RNF144B: variants seen among roughly 807,000 people sequenced by gnomAD.
The protein encoded by RNF144B is E3 ubiquitin-protein ligase RNF144B.
A neutral mutation model predicts 40.2 loss-of-function variants in RNF144B; 25 were observed. The observed-to-expected ratio is 0.62, with a 90% CI of 0.45 to 0.87. The LOEUF (loss-of-function observed/expected upper bound fraction) is 0.87. Among genes scored for constraint, RNF144B ranks in the 40% least tolerant of loss-of-function variants. The pLI is 0.00. For missense variants in RNF144B, 365 were observed against 373.7 expected, an observed-to-expected ratio of 0.98 and a Z score of 0.19; for synonymous variants, 145 against 136.3, an observed-to-expected ratio of 1.06 and a Z score of -0.44.
At position 18,394,297 on chromosome 6, in the gene RNF144B, T is replaced by C. The variant is rs115900002; in HGVS notation, c.-36-5202T>C. Among the ~76,000 whole-genome samples, 451 of 152,272 alleles carry C rather than the reference T, an allele frequency of 3.0e-3. 3 individuals carry two copies. The highest frequency in any genetic ancestry group is 0.01 in the African/African-American group (430 of 41,548). The stretch of plus-strand genomic sequence containing the variant: ...GATAATCAAACAGACATAAACTACA[T>C]TGGTTAAAAATACTTTGAATAGCTG... On this transcript the variant is annotated intron_variant, in intron 1 of 7. Coordinates refer to ENST00000259939, the MANE Select transcript of RNF144B (RefSeq NM_182757.4).
chr6:18,427,321 T>C (rs12199606), intron 2 of RNF144B, among the ~76,000 whole-genome samples: 47,268 of 151,962 alleles, frequency 0.31, 8,535 homozygotes, highest in East Asian at 0.51. Flanking sequence ...TCCTGATCTA[T>C]GGTGGCTGAA....
In RNF144B at chr6:18,468,444, G is replaced by A. The variant is rs1180654714; in HGVS notation, c.*3377G>A. ...AATTCTGTGTGAATTTTCTTGTAGCGTGCTTCATGAAAATATCTACTTATC... is the reference window on the plus strand; with the variant it reads ...AATTCTGTGTGAATTTTCTTGTAGCATGCTTCATGAAAATATCTACTTATC... On this transcript the variant is annotated 3_prime_UTR_variant, in exon 8 of 8. Transcript: ENST00000259939. 5 of 152,250 alleles carry A rather than the reference G, an allele frequency of 3.3e-5. No homozygotes were observed. Among genetic ancestry groups the A allele is most frequent in the Admixed American group, 1.3e-4 (2 of 15,288 alleles). 9.4% of individuals were successfully genotyped at this position (152,250 alleles called of 1,614,324 possible).
At chr6:18,408,109 T>A in intron 2 of RNF144B, among the ~76,000 whole-genome samples, 1 of 151,768 alleles carries the variant, frequency 6.6e-6, no homozygotes, top group East Asian at 1.9e-4. Flanking sequence ...CTTAGCCTCC[T>A]GAGTAGCTGG....
chr6:18,449,580 A>G (rs1288937889), intron 4 of RNF144B, among the ~76,000 whole-genome samples: 2 of 152,048 alleles, frequency 1.3e-5, no homozygotes, highest in Non-Finnish European at 2.9e-5. Flanking sequence ...ATTCATTTGT[A>G]TTGCATGTAT....
intron 2 of RNF144B, among the ~76,000 whole-genome samples, chr6:18,423,767 C>A (rs57121361): frequency 0.25 from 37,323 of 151,840 alleles, 4,727 homozygotes; most frequent in African/African-American, 0.32. Flanking sequence ...ACGAACAATC[C>A]TTATTATTTT....
chr6:18,444,768 C>T lies in RNF144B; in HGVS notation c.331+5024C>T, dbSNP rs989115551. ...TAAGTATGTGCTTATTTATGTATTG[C>T]GTGTCTATCCTATGCCAGGTGCCAT... On this transcript the variant is annotated intron_variant, in intron 4 of 7. Coordinates refer to ENST00000259939, the MANE Select transcript of RNF144B (RefSeq NM_182757.4). This position sits in a 1 kb window ranked among gnomAD's most constrained non-coding sequence, Gnocchi z 4.3. Among the ~76,000 whole-genome samples the T allele has an allele frequency of 1.3e-5, 2 of 152,142 alleles. No individual in the cohort carries two copies. Among genetic ancestry groups the T allele is most frequent in the East Asian group, 1.9e-4 (1 of 5,198 alleles).
At chr6:18,436,181 G>A (rs527970858) in intron 3 of RNF144B, among the ~76,000 whole-genome samples, 1 of 152,204 alleles carries the variant, frequency 6.6e-6, no homozygotes, top group South Asian at 2.1e-4. Flanking sequence ...CTAATCATGA[G>A]AAAGCATCAG....
At position 18,412,513 on chromosome 6, in the gene RNF144B, A is replaced by C. The variant is rs1439565791; in HGVS notation, c.165+12814A>C. ...ATATTACACATAGAAGACATGAATGAATGAAAAAATGGTGGTGTTCAGACT... is the reference window on the plus strand; with the variant it reads ...ATATTACACATAGAAGACATGAATGCATGAAAAAATGGTGGTGTTCAGACT... On this transcript the variant is annotated intron_variant, in intron 2 of 7. Coordinates refer to ENST00000259939, the MANE Select transcript of RNF144B (RefSeq NM_182757.4). The surrounding 1 kb of genome is among the most constrained non-coding windows in gnomAD (Gnocchi z 4.2). 6.6e-6 allele frequency among the ~76,000 whole-genome samples: 1 copy of C among 152,222 alleles called. No individual in the cohort carries two copies. Among genetic ancestry groups the C allele is most frequent in the African/African-American group, 2.4e-5 (1 of 41,452 alleles).
chr6:18,398,016 G>A lies in RNF144B; in HGVS notation c.-36-1483G>A, dbSNP rs1011021498. ...TACCCTGACTCGGGAGGTGGAGTCG[G>A]GAGGGTCATGTCAGTCCAGGAGTTC... is the stretch of plus-strand genomic sequence containing the variant. On this transcript the variant is annotated intron_variant, in intron 1 of 7. Coordinates refer to ENST00000259939, the MANE Select transcript of RNF144B (RefSeq NM_182757.4). This position sits in a 1 kb window ranked among gnomAD's most constrained non-coding sequence, Gnocchi z 5.0. 6.6e-6 allele frequency among the ~76,000 whole-genome samples: 1 copy of A among 152,040 alleles called. No homozygotes were observed. Among genetic ancestry groups the A allele is most frequent in the Admixed American group, 6.6e-5 (1 of 15,262 alleles).
rs1229949522 is a variant in RNF144B, at chr6:18,448,607, A to T, written c.332-8548A>T. Among the ~76,000 whole-genome samples, 2 of 151,972 alleles carry T rather than the reference A, an allele frequency of 1.3e-5. No homozygotes were observed. Among genetic ancestry groups the T allele is most frequent in the Non-Finnish European group, 2.9e-5 (2 of 68,012 alleles). ...ATCCAGCAGATATTTATAGAGCACC[A>T]ACTTTGTGTAAGTCACTGTTTTTCA... On this transcript the variant is annotated intron_variant, in intron 4 of 7. Coordinates refer to ENST00000259939, the MANE Select transcript of RNF144B (RefSeq NM_182757.4). The surrounding 1 kb of genome is among the most constrained non-coding windows in gnomAD (Gnocchi z 4.0).
In RNF144B at chr6:18,405,311, T is replaced by C. The variant is rs1402724617; in HGVS notation, c.165+5612T>C. On this transcript the variant is annotated intron_variant, in intron 2 of 7. Transcript: ENST00000259939. The surrounding 1 kb of genome is among the most constrained non-coding windows in gnomAD (Gnocchi z 4.5). ...GCCTCAGCCTCCGGAGTAGCTGGGATTACAGGCATGTGCCACCAGGCCTGA... is the reference window on the plus strand; with the variant it reads ...GCCTCAGCCTCCGGAGTAGCTGGGACTACAGGCATGTGCCACCAGGCCTGA... Among the ~76,000 whole-genome samples, 1 of 151,992 alleles carries C rather than the reference T, an allele frequency of 6.6e-6. No homozygotes were observed. Among genetic ancestry groups the C allele is most frequent in the Non-Finnish European group, 1.5e-5 (1 of 67,990 alleles).
intron 2 of RNF144B, among the ~76,000 whole-genome samples, chr6:18,407,022 A>G (rs1354866235): frequency 6.6e-6 from 1 of 152,102 alleles, no homozygotes; most frequent in African/African-American, 2.4e-5. Context: ...TGGGAACAGC[A>G]TGGGGGATAC....
chr6:18,395,896 A>G lies in RNF144B; in HGVS notation c.-36-3603A>G, dbSNP rs977483849. ...GCCATTGCTTTAGGGAATTGGTGTT[A>G]TTGTACACAGAAAAATAAATCACTT... On this transcript the variant is annotated intron_variant, in intron 1 of 7. Transcript: ENST00000259939. The surrounding 1 kb of genome is among the most constrained non-coding windows in gnomAD (Gnocchi z 4.5). Among the ~76,000 whole-genome samples, 1 of 152,180 alleles carries G rather than the reference A, an allele frequency of 6.6e-6. No homozygotes were observed. Among genetic ancestry groups the G allele is most frequent in the African/African-American group, 2.4e-5 (1 of 41,452 alleles).
In RNF144B at chr6:18,465,024, C is replaced by G. The variant is rs1239619001; in HGVS notation, c.869C>G (p.Ser290Cys). 6.2e-7 allele frequency: 1 copy of G among 1,613,806 alleles called. No homozygotes were observed. The highest frequency in any genetic ancestry group is 1.1e-5 in the South Asian group (1 of 91,040). ...TGTATAATCTGTTGTGTCTGCAAGT[C>G]CTGTCGGGGCAAGAAGAAAAAGCAC... ...SPCIICCVCK[S>C]CRGKKKKHDP... The change falls in exon 8 of 8, where the codon TCC becomes TGC. Residue 290 changes from serine to cysteine, a missense_variant. Ser to Cys is a moderately radical substitution (Grantham distance 112, BLOSUM62 -1). Transcript: ENST00000259939.
At position 18,387,433 on chromosome 6, in the gene RNF144B, T is replaced by A; in HGVS notation, c.-234T>A. On this transcript the variant is annotated 5_prime_UTR_variant, in exon 1 of 8. Coordinates refer to ENST00000259939, the MANE Select transcript of RNF144B (RefSeq NM_182757.4). ...CTAGGAGGCGGTCGGGGACTCCGCC[T>A]CCTCCCGACCCGTAGGTCTGGGAGC... 8.4e-7 allele frequency: 1 copy of A among 1,194,156 alleles called. No homozygotes were observed. The allele number at this position is 1,194,156 out of a possible 1,614,324, so 74.0% of individuals were successfully genotyped here.
intron 1 of RNF144B, among the ~76,000 whole-genome samples, chr6:18,394,827 C>G (rs1000045765): frequency 2.6e-5 from 4 of 152,162 alleles, no homozygotes; most frequent in African/African-American, 9.7e-5. Flanking sequence ...ATAATGAACA[C>G]TTTATAGTGC....
intron 3 of RNF144B, among the ~76,000 whole-genome samples, chr6:18,436,229 G>A (rs1758821343): frequency 6.6e-6 from 1 of 152,062 alleles, no homozygotes; most frequent in Admixed American, 6.6e-5. Flanking sequence ...CAAATAACTG[G>A]CCTGGACTCT....
intron 2 of RNF144B, among the ~76,000 whole-genome samples, chr6:18,409,680 C>T (rs891722419): frequency 6.6e-6 from 1 of 150,538 alleles, no homozygotes; most frequent in East Asian, 2.0e-4. Context: ...ACGCAGTTCT[C>T]CTGCCTCAGC....
Position 18,416,868 on chromosome 6 carries a change from T to C in RNF144B, c.166-10713T>C, listed in dbSNP as rs13192536. ...AGTGGTGCTTAGACTTGGTTGCAAA[T>C]GGGAATCACTTCAAGAGTTTAAAAA... On this transcript the variant is annotated intron_variant, in intron 2 of 7. Transcript: ENST00000259939. The surrounding 1 kb of genome is among the most constrained non-coding windows in gnomAD (Gnocchi z 5.5). Among the ~76,000 whole-genome samples the C allele has an allele frequency of 0.079, 11,945 of 152,136 alleles. 591 individuals are homozygous for C. Among genetic ancestry groups the C allele is most frequent in the Non-Finnish European group, 0.12 (8,017 of 67,992 alleles).
Sources: allele counts gnomAD v4.1 joint callset (sites outside exome capture counted in the v4.1 genomes callset), GRCh38; gene constraint gnomAD v4.1.1; non-coding constraint Gnocchi (gnomAD v3.1); transcripts MANE v1.5; gene names NCBI Gene and HGNC (gene_info 2026-07-23, HGNC 2026-07-21).